SDK2: variants seen among roughly 807,000 people sequenced by gnomAD.
SDK2 encodes sidekick cell adhesion molecule 2.
A neutral mutation model predicts 253.9 loss-of-function variants in SDK2; 105 were observed. The observed-to-expected ratio is 0.41, with a 90% CI of 0.35 to 0.49. The LOEUF (loss-of-function observed/expected upper bound fraction) is 0.49, where lower values mean the gene tolerates loss of function less well. Ranked by LOEUF, SDK2 falls within the 20% of genes least tolerant of loss-of-function variation. SDK2 has a pLI of 0.06. For synonymous variants in SDK2, 1,249 were observed against 1,234.9 expected, an observed-to-expected ratio of 1.01 and a Z score of -0.24; for missense variants, 2,608 against 3,003.0, an observed-to-expected ratio of 0.87 and a Z score of 3.07.
At chr17:73,551,000 C>T (rs1157560155) in intron 1 of SDK2, among the ~76,000 whole-genome samples, 1 of 152,162 alleles carries the variant, frequency 6.6e-6, no homozygotes, top group Non-Finnish European at 1.5e-5. Flanking sequence ...TCCCACTGGC[C>T]AAGCCTAACC....
At chr17:73,591,112 G>A (rs1772627062) in intron 1 of SDK2, among the ~76,000 whole-genome samples, 1 of 152,154 alleles carries the variant, frequency 6.6e-6, no homozygotes, top group African/African-American at 2.4e-5. Flanking sequence ...TAGAGACAGG[G>A]TTTCGCCATG....
rs1286865551 is a variant in SDK2 at position 73,616,116 on chromosome 17, T to C, written c.64+27909A>G. Reference sequence around the variant, plus strand: ...TGACAGTGTGCATGAAGTAGACATATGATCCAGTTTGTGGAATCGGTACCT... The same window carrying C: ...TGACAGTGTGCATGAAGTAGACATACGATCCAGTTTGTGGAATCGGTACCT... On this transcript the variant is annotated intron_variant, in intron 1 of 44. Transcript: ENST00000392650. This position sits in a 1 kb window ranked among gnomAD's most constrained non-coding sequence, Gnocchi z 5.2. Among the ~76,000 whole-genome samples the C allele has an allele frequency of 6.6e-6, 1 of 152,200 alleles. No homozygotes were observed. The highest frequency in any genetic ancestry group is 6.5e-5 in the Admixed American group (1 of 15,288).
At chr17:73,369,356 C>G in intron 36 of SDK2, 4 of 268,340 alleles carry the variant, frequency 1.5e-5, no homozygotes, top group South Asian at 1.4e-4. Flanking sequence ...GCCCGCTGCA[C>G]CAGCAGCTGC....
Position 73,355,433 on chromosome 17 carries a change from G to A in SDK2, c.5593+2646C>T, listed in dbSNP as rs369412975. Among the ~76,000 whole-genome samples, 116 of 151,602 alleles carry A rather than the reference G, an allele frequency of 7.7e-4. 1 individual carries two copies. Among genetic ancestry groups the A allele is most frequent in the African/African-American group, 2.4e-3 (100 of 41,260 alleles). ...ACGATCTTGGCTCACTGCAACCTCCGGCTTCCGGGTTCTCCTGCCTTAGCC... is the reference window on the plus strand; with the variant it reads ...ACGATCTTGGCTCACTGCAACCTCCAGCTTCCGGGTTCTCCTGCCTTAGCC... On this transcript the variant is annotated intron_variant, in intron 40 of 44. Coordinates refer to ENST00000392650, the MANE Select transcript of SDK2 (RefSeq NM_001144952.2).
intron 4 of SDK2, among the ~76,000 whole-genome samples, chr17:73,450,754 T>C (rs1254126950): frequency 1.3e-5 from 2 of 152,188 alleles, no homozygotes; most frequent in African/African-American, 4.8e-5. Context: ...TCTGGACAAC[T>C]TTTGGTTGCC....
chr17:73,399,117 G>A, intron 22 of SDK2, 51 bp downstream of exon 22: 2 of 1,601,454 alleles, frequency 1.2e-6, no homozygotes, highest in Non-Finnish European at 1.7e-6. Context: ...GCACTCAAGG[G>A]CACGGGGTGC....
Position 73,605,179 on chromosome 17 carries a change from T to G in SDK2, c.64+38846A>C, listed in dbSNP as rs561172048. Among the ~76,000 whole-genome samples, 4 of 151,468 alleles carry G rather than the reference T, an allele frequency of 2.6e-5. No homozygotes were observed. In the South Asian group the frequency reaches 8.4e-4, roughly 32 times the overall value. Reference sequence around the variant, plus strand: ...GGGGTGATGTGGGCAGGCAATGAGGTGGGGGAAAGAGTGACGGCCCCTTCA... The same window carrying G: ...GGGGTGATGTGGGCAGGCAATGAGGGGGGGGAAAGAGTGACGGCCCCTTCA... On this transcript the variant is annotated intron_variant, in intron 1 of 44. Transcript: ENST00000392650.
intron 3 of SDK2, among the ~76,000 whole-genome samples, chr17:73,464,801 C>T (rs1232534498): frequency 6.6e-6 from 1 of 152,224 alleles, no homozygotes; most frequent in East Asian, 1.9e-4. Flanking sequence ...CCTGCCCCAT[C>T]CTCCAAACCT....
At chr17:73,626,831 AC>A (rs1214152140) in intron 1 of SDK2, among the ~76,000 whole-genome samples, 1 of 151,962 alleles carries the variant, frequency 6.6e-6, no homozygotes, top group Non-Finnish European at 1.5e-5. Context: ...TTCGATGTGG[AC>A]CCCAGAGGGT....
At chr17:73,527,575 C>A (rs1164455127) in intron 1 of SDK2, among the ~76,000 whole-genome samples, 1 of 152,156 alleles carries the variant, frequency 6.6e-6, no homozygotes, top group Non-Finnish European at 1.5e-5. Flanking sequence ...CCTGCACTGG[C>A]CTCATTAGTG....
intron 1 of SDK2, chr17:73,640,951 A>G (rs1361879082): frequency 6.6e-6 from 1 of 152,248 alleles, no homozygotes; most frequent in East Asian, 1.9e-4. Context: ...AGCACATGGG[A>G]AATCTCTCGA....
At chr17:73,506,743 T>TGTG (rs1200764632) in intron 2 of SDK2, among the ~76,000 whole-genome samples, 1 of 152,348 alleles carries the variant, frequency 6.6e-6, no homozygotes, top group Admixed American at 6.5e-5. Flanking sequence ...TGCCCCAGTC[T>TGTG]GTGGCTGCGA....
chr17:73,518,177 T>C (rs1419687567), intron 1 of SDK2: 3 of 152,180 alleles, frequency 2.0e-5, no homozygotes, highest in Non-Finnish European at 4.4e-5. Context: ...AGAATGGAGA[T>C]CACAAAGTTC....
intron 1 of SDK2, among the ~76,000 whole-genome samples, chr17:73,640,011 C>T (rs1056593032): frequency 2.0e-5 from 3 of 152,196 alleles, no homozygotes; most frequent in African/African-American, 7.2e-5. Context: ...TGTTAGCTTA[C>T]AGCCCGACTG....
intron 1 of SDK2, among the ~76,000 whole-genome samples, chr17:73,595,242 G>C (rs1473710553): frequency 2.0e-5 from 3 of 152,200 alleles, no homozygotes; most frequent in African/African-American, 7.2e-5. Context: ...GGAGGTCTGA[G>C]AGATGGGGAG....
intron 3 of SDK2, among the ~76,000 whole-genome samples, chr17:73,457,707 G>A (rs893284593): frequency 8.6e-5 from 13 of 151,928 alleles, no homozygotes; most frequent in Non-Finnish European, 1.6e-4. Context: ...GAATTCCCAC[G>A]TGCAGAAAGA....
At position 73,539,844 on chromosome 17, in the gene SDK2, C is replaced by T. The variant is rs536311776; in HGVS notation, c.65-32247G>A. ...GGGGAATGCCATGTGATGACAGAGG[C>T]GGAGATGGAGTCATGCGGCTGTGAG... is the stretch of plus-strand genomic sequence containing the variant. On this transcript the variant is annotated intron_variant, in intron 1 of 44. Transcript: ENST00000392650. Among the ~76,000 whole-genome samples the T allele has an allele frequency of 1.4e-4, 21 of 152,238 alleles. No homozygotes were observed. In the South Asian group the frequency reaches 3.3e-3, roughly 24 times the overall value.
At chr17:73,469,098 C>T (rs1256324075) in intron 3 of SDK2, among the ~76,000 whole-genome samples, 2 of 152,214 alleles carry the variant, frequency 1.3e-5, no homozygotes, top group African/African-American at 4.8e-5. Context: ...GCCAGGATTA[C>T]AGGCGTGAGC....
At chr17:73,623,063 C>A (rs529515799) in intron 1 of SDK2, among the ~76,000 whole-genome samples, 3 of 152,362 alleles carry the variant, frequency 2.0e-5, no homozygotes, top group Admixed American at 6.5e-5. Flanking sequence ...CTTTATGTCC[C>A]CAGTTCAAAT....
Sources: gnomAD v4.1 joint callset for allele counts (sites outside exome capture counted in the v4.1 genomes callset) on GRCh38, gnomAD v4.1.1 for gene constraint, Gnocchi (gnomAD v3.1) non-coding constraint, MANE v1.5 for transcripts, NCBI Gene and HGNC (gene_info 2026-07-23, HGNC 2026-07-21) for gene names.